ZFC3H1: variants seen among roughly 807,000 people sequenced by gnomAD.
The protein encoded by ZFC3H1 is zinc finger C3H1-type containing.
Under a neutral mutation model 243.7 loss-of-function variants are expected in ZFC3H1, and 71 were observed. That is an observed-to-expected ratio of 0.29 (90% CI 0.24 to 0.36). The LOEUF is 0.36. ZFC3H1 is among the 10% of genes least tolerant of loss of function. The probability of loss-of-function intolerance (pLI) is 1.00; values close to 1 mark genes in which losing one functional copy is unlikely to be tolerated. For synonymous variants in ZFC3H1, 838 were observed against 813.0 expected, an observed-to-expected ratio of 1.03 and a Z score of -0.52; for missense variants, 1,966 against 2,317.1, an observed-to-expected ratio of 0.85 and a Z score of 3.11.
chr12:71,652,385 C>T (rs1054792633), intron 2 of ZFC3H1, among the ~76,000 whole-genome samples: 7 of 152,158 alleles, frequency 4.6e-5, no homozygotes, highest in African/African-American at 1.7e-4. Context: ...TATTAAAGGC[C>T]TTCCCAATCC....
At chr12:71,656,813 A>G in intron 2 of ZFC3H1, 72 bp downstream of exon 2, 5 of 1,433,900 alleles carry the variant, frequency 3.5e-6, no homozygotes, top group South Asian at 1.4e-5. Flanking sequence ...AATGAAGTAC[A>G]CTGCCAAAAC....
In ZFC3H1 at chr12:71,644,945, G is replaced by A. The variant is rs769689359; in HGVS notation, c.1211C>T (p.Thr404Met). 2.0e-5 allele frequency: 33 copies of A among 1,612,856 alleles called. No individual in the cohort carries two copies. The highest frequency in any genetic ancestry group is 1.3e-4 in the South Asian group (12 of 91,032). Residue 404 changes from threonine to methionine, a missense_variant, in exon 4 of 35, where the codon ACG (threonine) becomes ATG (methionine). Thr to Met is a moderately conservative substitution (Grantham distance 81, BLOSUM62 -1). Coordinates refer to ENST00000378743, the MANE Select transcript of ZFC3H1 (RefSeq NM_144982.5). ...MKESKEKLTK[T>M]KTVQQKVKTS... The stretch of plus-strand genomic sequence containing the variant: ...TTTAACTTTTTGCTGTACAGTTTTC[G>A]TCTTAGTCAACTTTTCTTTGCTTTC...
chr12:71,611,696 T>G (rs888068230), intron 32 of ZFC3H1, 90 bp downstream of exon 32: 8 of 323,232 alleles, frequency 2.5e-5, no homozygotes, highest in African/African-American at 1.2e-4. Flanking sequence ...TATATATATA[T>G]ATAGATGTCA....
intron 7 of ZFC3H1, among the ~76,000 whole-genome samples, chr12:71,637,545 A>C (rs1331469274): frequency 6.6e-6 from 1 of 152,212 alleles, no homozygotes; most frequent in African/African-American, 2.4e-5. Context: ...TACTCTCTTA[A>C]AATGGCTTCT....
At chr12:71,612,198 T>C (rs925928158) in intron 31 of ZFC3H1, among the ~76,000 whole-genome samples, 19 of 152,104 alleles carry the variant, frequency 1.2e-4, no homozygotes, top group African/African-American at 4.6e-4. Context: ...TTTAAAGTAA[T>C]GGCTTGATAG....
At chr12:71,629,325 C>G (rs1880254510) in intron 19 of ZFC3H1, among the ~76,000 whole-genome samples, 1 of 151,808 alleles carries the variant, frequency 6.6e-6, no homozygotes, top group Non-Finnish European at 1.5e-5. Flanking sequence ...GCCACCACCA[C>G]CCGGCTAATT....
intron 1 of ZFC3H1, among the ~76,000 whole-genome samples, chr12:71,662,301 C>T (rs897328145): frequency 1.3e-5 from 2 of 152,150 alleles, no homozygotes; most frequent in African/African-American, 4.8e-5. Context: ...TCCACTCTAA[C>T]GTATTAAAAT....
chr12:71,629,154 CG>C (rs1259541919), intron 19 of ZFC3H1, 117 bp from the exon 20 acceptor site: 3 of 846,162 alleles, frequency 3.5e-6, no homozygotes, highest in Non-Finnish European at 5.0e-6. Flanking sequence ...AGAAATGATA[CG>C]TATTTTTTTT....
intron 24 of ZFC3H1, among the ~76,000 whole-genome samples, chr12:71,620,561 T>A (rs944964369): frequency 1.8e-4 from 28 of 152,228 alleles, no homozygotes; most frequent in African/African-American, 5.5e-4. Context: ...CCATCCCATA[T>A]GAGCTTTTGC....
At chr12:71,612,981 T>A (rs1879809051) in intron 31 of ZFC3H1, among the ~76,000 whole-genome samples, 1 of 152,086 alleles carries the variant, frequency 6.6e-6, no homozygotes, top group Non-Finnish European at 1.5e-5. Context: ...CTGACCTAGG[T>A]GAAAATATGA....
At position 71,657,235 on chromosome 12, in the gene ZFC3H1, T is replaced by A; in HGVS notation, c.665A>T (p.Glu222Val). The change falls in exon 2 of 35, where the codon GAA becomes GTA. Residue 222 changes from glutamate (E) to valine (V), a missense_variant. Physicochemically the swap from Glu to Val is moderately radical, Grantham distance 121. Coordinates refer to ENST00000378743, the MANE Select transcript of ZFC3H1 (RefSeq NM_144982.5). ...NYSSKNENCV[E>V]ETFEDLLLKY... ...TAAAAGCAAATCTTCAAAAGTTTCTTCCACACAGTTTTCATTTTTTGATGA... is the reference window on the plus strand; with the variant it reads ...TAAAAGCAAATCTTCAAAAGTTTCTACCACACAGTTTTCATTTTTTGATGA... 1 of 1,598,746 alleles carries A rather than the reference T, an allele frequency of 6.3e-7. No individual in the cohort carries two copies. The highest frequency in any genetic ancestry group is 8.5e-7 in the Non-Finnish European group (1 of 1,175,226).
intron 22 of ZFC3H1, among the ~76,000 whole-genome samples, chr12:71,625,400 T>C (rs971977605): frequency 6.6e-6 from 1 of 152,138 alleles, no homozygotes; most frequent in Non-Finnish European, 1.5e-5. Flanking sequence ...GTAAAAAACA[T>C]CCCATTCTTG....
chr12:71,619,290 A>G, intron 27 of ZFC3H1, 25 bp downstream of exon 27: 1 of 1,603,826 alleles, frequency 6.2e-7, no homozygotes, highest in Non-Finnish European at 8.5e-7. Context: ...TCATTCCTCT[A>G]CAAACTAAGA....
chr12:71,649,426 T>C (rs1880823250), intron 2 of ZFC3H1, among the ~76,000 whole-genome samples: 2 of 152,250 alleles, frequency 1.3e-5, no homozygotes, highest in Non-Finnish European at 2.9e-5. Flanking sequence ...TTTTATGGAA[T>C]GCTGACATGT....
At chr12:71,616,519 T>A (rs1337292668) in intron 27 of ZFC3H1, among the ~76,000 whole-genome samples, 1 of 152,168 alleles carries the variant, frequency 6.6e-6, no homozygotes, top group Non-Finnish European at 1.5e-5. Context: ...TTACTAGGAT[T>A]ATAGGTCAAT....
At chr12:71,649,483 T>A (rs1880825076) in intron 2 of ZFC3H1, among the ~76,000 whole-genome samples, 1 of 152,252 alleles carries the variant, frequency 6.6e-6, no homozygotes, top group South Asian at 2.1e-4. Flanking sequence ...CATGCAAAGC[T>A]GTGCTATCAT....
chr12:71,633,772 A>G (rs1297081593), intron 12 of ZFC3H1, among the ~76,000 whole-genome samples: 1 of 152,192 alleles, frequency 6.6e-6, no homozygotes, highest in African/African-American at 2.4e-5. Flanking sequence ...CTCCCGCCTC[A>G]GCCTCCCAAG....
intron 2 of ZFC3H1, 132 bp from the exon 3 acceptor site, chr12:71,647,945 C>T (rs1476944475): frequency 1.5e-5 from 6 of 396,838 alleles, no homozygotes; most frequent in African/African-American, 1.3e-4. Context: ...AATCTCTCAA[C>T]CAAAAGGAAA....
rs1480584785 is a variant in ZFC3H1, at chr12:71,630,812, A to G, written c.3602+11T>C. ...TTTTCAAATTACAAAATGTTCACAAAAACTACTCACCATTGACAATCATCA... is the reference window on the plus strand; with the variant it reads ...TTTTCAAATTACAAAATGTTCACAAGAACTACTCACCATTGACAATCATCA... On this transcript the variant is annotated intron_variant, in intron 17 of 34. Transcript: ENST00000378743. The G allele has an allele frequency of 1.9e-6, 3 of 1,611,346 alleles. No homozygotes were observed. The highest frequency in any genetic ancestry group is 2.2e-5 in the East Asian group (1 of 44,746).
Sources: gnomAD v4.1 joint callset for allele counts (sites outside exome capture counted in the v4.1 genomes callset) on GRCh38, gnomAD v4.1.1 for gene constraint, MANE v1.5 for transcripts, NCBI Gene and HGNC (gene_info 2026-07-23, HGNC 2026-07-21) for gene names.